Variants in HMCN1 observed in about 807,000 individuals in gnomAD.
HMCN1 encodes hemicentin 1.
Under a neutral mutation model 625.9 loss-of-function variants are expected in HMCN1, and 321 were observed. The observed-to-expected ratio is 0.51, with a 90% confidence interval of 0.47 to 0.56. The LOEUF is 0.56. HMCN1 is among the 20% of genes least tolerant of loss of function. The pLI, the probability that HMCN1 is intolerant of heterozygous loss-of-function variation, is 0.00. For synonymous variants in HMCN1, 2,425 were observed against 2,417.6 expected, an observed-to-expected ratio of 1.00 and a Z score of -0.09; for missense variants, 6,588 against 6,887.3, an observed-to-expected ratio of 0.96 and a Z score of 1.54.
In HMCN1 at chr1:185,734,968, T is replaced by G; in HGVS notation, c.189T>G (p.Ala63=). ...YDDLVQVIEG[A]SKILETSLKR... ...ATTTAGTTCAGGTGATTGAAGGGGC[T>G]TCCAAAATTTTGGAGACGTCTTTGA... The change falls in exon 1 of 107, where the codon GCT becomes GCG. Residue 63 remains alanine (A), a synonymous_variant. Coordinates refer to ENST00000271588, the MANE Select transcript of HMCN1 (RefSeq NM_031935.3). 1 of 1,614,144 alleles carries G rather than the reference T, an allele frequency of 6.2e-7. No individual in the cohort carries two copies. Among genetic ancestry groups the G allele is most frequent in the Admixed American group, 1.7e-5 (1 of 60,024 alleles).
At chr1:185,849,318 C>G (rs1166497603) in intron 2 of HMCN1, among the ~76,000 whole-genome samples, 2 of 152,138 alleles carry the variant, frequency 1.3e-5, no homozygotes, top group Non-Finnish European at 2.9e-5. Context: ...ATCCTGTATT[C>G]AAAGTCTCAT....
chr1:186,010,455 C>A (rs759874135), intron 30 of HMCN1, among the ~76,000 whole-genome samples: 19 of 152,184 alleles, frequency 1.2e-4, no homozygotes, highest in Middle Eastern at 3.4e-3. Flanking sequence ...TTCTCATTTT[C>A]GTAAATACAA....
At chr1:185,946,193 G>A (rs1161568496) in intron 11 of HMCN1, among the ~76,000 whole-genome samples, 2 of 152,130 alleles carry the variant, frequency 1.3e-5, no homozygotes, top group South Asian at 2.1e-4. Context: ...TAGATACTAA[G>A]GTAGCAGATA....
At chr1:186,128,334 T>C (rs571510405) in intron 83 of HMCN1, 43 bp downstream of exon 83, 1 of 1,456,882 alleles carries the variant, frequency 6.9e-7, no homozygotes, top group Admixed American at 1.7e-5. Context: ...TACACCTATG[T>C]AGAACTCTAG....
chr1:185,997,506 T>C lies in HMCN1; in HGVS notation c.3856T>C (p.Phe1286Leu). The stretch of plus-strand genomic sequence containing the variant: ...AAGAGTGGCCAATCAACGCATTGAA[T>C]TTCCATGTCCTGCAAAAGGTACGTA... ...QERVANQRIE[F>L]PCPAKGTPKP... Residue 1286 changes from phenylalanine to leucine, a missense_variant, in exon 25 of 107, where the codon TTT becomes CTT. Physicochemically the swap from Phe to Leu is conservative, Grantham distance 22. Around this residue, in one of 3 missense-constraint regions of HMCN1, gnomAD observed 4,628 missense variants for 4,853.1 expected, o/e 0.95. Transcript: ENST00000271588. The C allele has an allele frequency of 6.2e-7, 1 of 1,610,116 alleles. No homozygotes were observed.
intron 96 of HMCN1, 113 bp from the exon 97 acceptor site, chr1:186,153,636 TG>T (rs1238139142): frequency 1.2e-6 from 1 of 837,742 alleles, no homozygotes; most frequent in African/African-American, 1.7e-5. Flanking sequence ...GCATGATGTG[TG>T]TTTTTTAGCT....
chr1:186,187,646 T>A (rs909906612), intron 105 of HMCN1, among the ~76,000 whole-genome samples: 3 of 152,182 alleles, frequency 2.0e-5, no homozygotes, highest in African/African-American at 7.2e-5. Flanking sequence ...TTTATAGCTC[T>A]CATTTTTTTT....
chr1:185,854,526 T>C (rs180674386), intron 2 of HMCN1, among the ~76,000 whole-genome samples: 2 of 152,300 alleles, frequency 1.3e-5, no homozygotes, highest in African/African-American at 4.8e-5. Context: ...TGGAGGCTGA[T>C]ATCAGCTTTC....
intron 1 of HMCN1, among the ~76,000 whole-genome samples, chr1:185,766,921 A>G (rs1296796386): frequency 2.6e-5 from 4 of 152,118 alleles, no homozygotes; most frequent in Non-Finnish European, 5.9e-5. Flanking sequence ...CTCTCTTTAA[A>G]GAAGTAAGGC....
At chr1:185,865,085 C>T (rs953662413) in intron 3 of HMCN1, among the ~76,000 whole-genome samples, 3 of 152,176 alleles carry the variant, frequency 2.0e-5, no homozygotes, top group African/African-American at 7.2e-5. Flanking sequence ...TGATCTAGGC[C>T]AGGCTTGCTC....
At chr1:185,880,555 CCTT>C (rs1042594152) in intron 4 of HMCN1, among the ~76,000 whole-genome samples, 5 of 152,166 alleles carry the variant, frequency 3.3e-5, no homozygotes, top group Admixed American at 3.3e-4. Flanking sequence ...TGACCTTTGT[CCTT>C]CTCTCTTCAT....
chr1:185,901,193 A>G (rs1330743652), intron 4 of HMCN1, among the ~76,000 whole-genome samples: 2 of 151,870 alleles, frequency 1.3e-5, no homozygotes, highest in Non-Finnish European at 2.9e-5. Context: ...TGTTAATTAC[A>G]TAGTCACAAT....
intron 68 of HMCN1, 38 bp from the exon 69 acceptor site, chr1:186,103,434 C>A: frequency 6.5e-7 from 1 of 1,536,834 alleles, no homozygotes; most frequent in South Asian, 1.1e-5. Context: ...TTTTATGAAA[C>A]TGTGGGTTTA....
chr1:186,123,532 T>G (rs2102496776), intron 81 of HMCN1, among the ~76,000 whole-genome samples: 1 of 152,314 alleles, frequency 6.6e-6, no homozygotes, highest in Admixed American at 6.5e-5. Context: ...TTTGTGACTT[T>G]TCTGCTTTAC....
chr1:186,151,130 C>T, intron 93 of HMCN1, 70 bp from the exon 94 acceptor site: 1 of 1,458,298 alleles, frequency 6.9e-7, no homozygotes, highest in Non-Finnish European at 9.6e-7. Context: ...GAATACTGGC[C>T]CTCTTTTCTC....
chr1:185,981,685 T>G (rs55888716), intron 17 of HMCN1, among the ~76,000 whole-genome samples: 4,676 of 152,260 alleles, frequency 0.031, 249 homozygotes, highest in African/African-American at 0.11. Flanking sequence ...ATGTCTTCAT[T>G]AGTCTACATA....
chr1:186,146,218 G>T (rs1199333263), intron 93 of HMCN1, among the ~76,000 whole-genome samples: 4 of 152,134 alleles, frequency 2.6e-5, no homozygotes. Context: ...AGGTAAGGTG[G>T]GGCAGTGGCT....
Position 186,137,101 on chromosome 1 carries a change from C to T in HMCN1, c.13582+164C>T, listed in dbSNP as rs145493908. Among the ~76,000 whole-genome samples the T allele has an allele frequency of 2.0e-5, 3 of 152,222 alleles. No homozygotes were observed. The East Asian group carries it at 5.8e-4, about 29-fold the overall frequency. On this transcript the variant is annotated intron_variant, in intron 87 of 106. Transcript: ENST00000271588. Reference sequence around the variant, plus strand: ...AATTTACAGATTGAAGGGCCTAAACCAACACAGATTAGAGCTTTAAAATGC... The same window carrying T: ...AATTTACAGATTGAAGGGCCTAAACTAACACAGATTAGAGCTTTAAAATGC...
rs115268613 is a variant in HMCN1 at position 185,849,449 on chromosome 1, G to A, written c.339+3353G>A. 2.2e-3 allele frequency among the ~76,000 whole-genome samples: 328 copies of A among 152,178 alleles called. 2 individuals carry two copies. Among genetic ancestry groups the A allele is most frequent in the African/African-American group, 7.5e-3 (310 of 41,530 alleles). On this transcript the variant is annotated intron_variant, in intron 2 of 106. Coordinates refer to ENST00000271588, the MANE Select transcript of HMCN1 (RefSeq NM_031935.3). ...ACATTGAAGGACTGCGTATAATTTAGCTTATTAAATACCCCAGTAAAAGGA... is the reference window on the plus strand; with the variant it reads ...ACATTGAAGGACTGCGTATAATTTAACTTATTAAATACCCCAGTAAAAGGA...
Sources: gnomAD v4.1 joint callset for allele counts (sites outside exome capture counted in the v4.1 genomes callset) on GRCh38, gnomAD v4.1.1 for gene constraint, gnomAD v4.1.1 regional missense constraint, MANE v1.5 for transcripts, NCBI Gene and HGNC (gene_info 2026-07-23, HGNC 2026-07-21) for gene names.